C14orf93: variants seen among roughly 807,000 people sequenced by gnomAD.
The protein encoded by C14orf93 is chromosome 14 open reading frame 93, also known as uncharacterized protein C14orf93.
A neutral mutation model predicts 44.0 loss-of-function variants in C14orf93; 23 were observed. The ratio of observed to expected loss-of-function variants is 0.52; its 90% CI spans 0.38 to 0.74. The LOEUF (loss-of-function observed/expected upper bound fraction) is 0.74. Ranked by LOEUF, C14orf93 falls within the 30% of genes least tolerant of loss-of-function variation. The pLI, the probability that C14orf93 is intolerant of heterozygous loss-of-function variation, is 0.00. For synonymous variants in C14orf93, 253 were observed against 265.7 expected (o/e 0.95, Z 0.46); for missense variants, 579 against 678.9 (o/e 0.85, Z 1.64).
At chr14:23,004,474 T>C (rs1459348613) in intron 1 of C14orf93, among the ~76,000 whole-genome samples, 1 of 152,088 alleles carries the variant, frequency 6.6e-6, no homozygotes, top group African/African-American at 2.4e-5. Context: ...GTTTTTTATA[T>C]GTAAGTCCAT....
chr14:23,005,902 T>C (rs955188868), intron 1 of C14orf93: 1 of 152,234 alleles, frequency 6.6e-6, no homozygotes, highest in Non-Finnish European at 1.5e-5. Context: ...TATCATACTC[T>C]TGGCAGTTCC....
At chr14:22,997,012 G>C (rs921900749) in intron 2 of C14orf93, among the ~76,000 whole-genome samples, 1 of 149,834 alleles carries the variant, frequency 6.7e-6, no homozygotes, top group African/African-American at 2.5e-5. Context: ...CACACACACA[G>C]AAAGATGCGG....
Position 22,998,681 on chromosome 14 carries a change from G to T in C14orf93, c.343C>A (p.Arg115=). ...TCCTCAGGTGGGGAACTATGTGCCC[G>T]GCTTTCCCCATCTTCATCAGGGATG... is the stretch of plus-strand genomic sequence containing the variant. The part of the protein sequence containing the change: ...VSIPDEDGES[R]AHSSPPEEPG... Residue 115 remains arginine (R), a synonymous_variant, in exon 2 of 7, where the codon CGG becomes AGG. Coordinates refer to ENST00000299088, the MANE Select transcript of C14orf93 (RefSeq NM_021944.4). The T allele has an allele frequency of 1.2e-6, 2 of 1,614,184 alleles. No homozygotes were observed. The highest frequency in any genetic ancestry group is 1.7e-6 in the Non-Finnish European group (2 of 1,180,010).
chr14:22,987,370 G>A lies in C14orf93; in HGVS notation c.1462C>T (p.Leu488Phe). Residue 488 changes from leucine to phenylalanine, a missense_variant, in exon 7 of 7, where the codon CTT becomes TTT. Coordinates refer to ENST00000299088, the MANE Select transcript of C14orf93 (RefSeq NM_021944.4). The surrounding 1 kb of genome is among the most constrained non-coding windows in gnomAD (Gnocchi z 5.6). The stretch of plus-strand genomic sequence containing the variant: ...TTAGGATTGTAAAGTTCTGGTGGAA[G>A]GAGCTGGGCTTCAGCAGAAGGCAGT... ...DRLPSAEAQL[L>F]PPELYNPNFQ... 1.9e-6 allele frequency: 3 copies of A among 1,614,260 alleles called. No homozygotes were observed. Among genetic ancestry groups the A allele is most frequent in the Non-Finnish European group, 2.5e-6 (3 of 1,180,048 alleles).
chr14:23,008,111 C>T (rs936721289), intron 1 of C14orf93, among the ~76,000 whole-genome samples: 3 of 148,054 alleles, frequency 2.0e-5, no homozygotes, highest in Non-Finnish European at 3.0e-5. Flanking sequence ...CAAGATCGCA[C>T]CATTGCCACT....
At chr14:22,992,403 T>G (rs1342222653) in intron 3 of C14orf93, among the ~76,000 whole-genome samples, 5 of 148,726 alleles carry the variant, frequency 3.4e-5, no homozygotes, top group Non-Finnish European at 7.4e-5. Flanking sequence ...GAGGCGGAGG[T>G]TGCAGTGAGC....
At chr14:22,998,400 G>A (rs1297622925) in intron 2 of C14orf93, 27 bp downstream of exon 2, 1 of 1,489,744 alleles carries the variant, frequency 6.7e-7, no homozygotes. Flanking sequence ...GCACCTAGGA[G>A]GAATAGCCCT....
chr14:22,996,008 T>A lies in C14orf93; in HGVS notation c.858A>T (p.Pro286=). 1 of 1,613,072 alleles carries A rather than the reference T, an allele frequency of 6.2e-7. No individual in the cohort carries two copies. The highest frequency in any genetic ancestry group is 8.5e-7 in the Non-Finnish European group (1 of 1,179,220). The part of the protein sequence containing the change: ...LRHSLGLTVS[P]CRTRGSGQKN... ...TCTGCCCACTTCCTCTGGTCCTGCATGGGGAAACGGTCAGCCCTAGAGAGT... is the reference window on the plus strand; with the variant it reads ...TCTGCCCACTTCCTCTGGTCCTGCAAGGGGAAACGGTCAGCCCTAGAGAGT... Residue 286 remains proline, a synonymous_variant, in exon 3 of 7, where the codon CCA becomes CCT. Transcript: ENST00000299088. This position sits in a 1 kb window ranked among gnomAD's most constrained non-coding sequence, Gnocchi z 4.1.
Position 22,987,727 on chromosome 14 carries a change from C to A in C14orf93, c.1198-93G>T. 1 of 1,400,416 alleles carries A rather than the reference C, an allele frequency of 7.1e-7. No homozygotes were observed. 86.7% of individuals were successfully genotyped at this position (1,400,416 alleles called of 1,614,324 possible). ...TTTGGTGGGGAAGGCTGTGTAAAAT[C>A]TGTGCCTAAGTGAACCCAGTCCCCA... is the stretch of plus-strand genomic sequence containing the variant. On this transcript the variant is annotated intron_variant, in intron 6 of 6. Coordinates refer to ENST00000299088, the MANE Select transcript of C14orf93 (RefSeq NM_021944.4). This position sits in a 1 kb window ranked among gnomAD's most constrained non-coding sequence, Gnocchi z 5.6.
At position 22,989,749 on chromosome 14, in the gene C14orf93, C is replaced by G. The variant is rs1364523399; in HGVS notation, c.1077G>C (p.Glu359Asp). 2 of 1,611,746 alleles carry G rather than the reference C, an allele frequency of 1.2e-6. No homozygotes were observed. Residue 359 changes from glutamate to aspartate, a missense_variant, in exon 5 of 7, where the codon GAG becomes GAC. Physicochemically the swap from Glu to Asp is conservative, Grantham distance 45. Coordinates refer to ENST00000299088, the MANE Select transcript of C14orf93 (RefSeq NM_021944.4). ...VTSPHNYTDK[E>D]LKGACVAYFL... is the part of the protein sequence containing the mutation. ...TAAACCAGTTTTTCTCACCTTTTAG[C>G]TCCTTATCAGTGTAATTGTGGGGAC...
rs2045482752 is a variant in C14orf93, at chr14:22,989,833, A to G, written c.993T>C (p.Ser331=). ...RFNGSESIKS[S]WNISVVKFLL... ...GAAACTTCACTACTGAAATATTCCA[A>G]GAGGACTTGATGCTGCCACAAAGAG... The change falls in exon 5 of 7, where the codon TCT becomes TCC. Residue 331 remains serine (S), a synonymous_variant. Transcript: ENST00000299088. The G allele has an allele frequency of 6.2e-7, 1 of 1,613,838 alleles. No individual in the cohort carries two copies. The highest frequency in any genetic ancestry group is 1.3e-5 in the African/African-American group (1 of 74,928).
At chr14:22,991,508 G>A (rs2045627682) in intron 3 of C14orf93, among the ~76,000 whole-genome samples, 1 of 151,200 alleles carries the variant, frequency 6.6e-6, no homozygotes. Flanking sequence ...CTCCCAAAGT[G>A]TGCTGGGATT....
At chr14:22,991,990 A>G (rs1457967894) in intron 3 of C14orf93, among the ~76,000 whole-genome samples, 1 of 152,220 alleles carries the variant, frequency 6.6e-6, no homozygotes, top group Non-Finnish European at 1.5e-5. Context: ...CATGGTCTGA[A>G]AAACAGAAAT....
intron 1 of C14orf93, among the ~76,000 whole-genome samples, chr14:23,008,148 C>A (rs190250883): frequency 2.3e-5 from 3 of 132,036 alleles, no homozygotes; most frequent in African/African-American, 6.5e-5. Context: ...GAGCGAAACT[C>A]CGTTTCAAAA....
At position 22,996,256 on chromosome 14, in the gene C14orf93, A is replaced by G; in HGVS notation, c.610T>C (p.Tyr204His). ...TGTACTGCACCCTCAGAGGCCACGT[A>G]ATCATCCACCAGCTAAGAACATAAA... ...APLLNPLVDD[Y>H]VASEGAVQRV... Residue 204 changes from tyrosine (Y) to histidine (H), a missense_variant, in exon 3 of 7, where the codon TAC (tyrosine) becomes CAC (histidine). Coordinates refer to ENST00000299088, the MANE Select transcript of C14orf93 (RefSeq NM_021944.4). This position sits in a 1 kb window ranked among gnomAD's most constrained non-coding sequence, Gnocchi z 4.1. 1 of 1,554,430 alleles carries G rather than the reference A, an allele frequency of 6.4e-7. No individual in the cohort carries two copies. The highest frequency in any genetic ancestry group is 1.2e-5 in the South Asian group (1 of 83,740).
chr14:22,994,651 T>C (rs2045862173), intron 3 of C14orf93, among the ~76,000 whole-genome samples: 1 of 148,704 alleles, frequency 6.7e-6, no homozygotes, highest in Non-Finnish European at 1.5e-5. Flanking sequence ...CACTTGAGCC[T>C]GGGAAGTCGA....
At chr14:23,002,537 G>A (rs1020248470) in intron 1 of C14orf93, among the ~76,000 whole-genome samples, 1 of 151,400 alleles carries the variant, frequency 6.6e-6, no homozygotes, top group African/African-American at 2.4e-5. Flanking sequence ...TCACTTTTCT[G>A]AGACCAAGTT....
At chr14:22,989,088 C>T (rs1429108058) in intron 5 of C14orf93, among the ~76,000 whole-genome samples, 1 of 152,106 alleles carries the variant, frequency 6.6e-6, no homozygotes, top group Non-Finnish European at 1.5e-5. Flanking sequence ...TCAAGCAATC[C>T]TCCCACCTCA....
intron 3 of C14orf93, among the ~76,000 whole-genome samples, chr14:22,995,679 CAAAAAAA>C (rs58710730): frequency 3.1e-4 from 14 of 45,048 alleles, no homozygotes; most frequent in African/African-American, 9.6e-4. Context: ...GACTCTGACT[CAAAAAAA>C]AAAAAAAAAA....
Sources: gnomAD v4.1 joint callset for allele counts (sites outside exome capture counted in the v4.1 genomes callset) on GRCh38, gnomAD v4.1.1 for gene constraint, Gnocchi (gnomAD v3.1) non-coding constraint, MANE v1.5 for transcripts, NCBI Gene and HGNC (gene_info 2026-07-23, HGNC 2026-07-21) for gene names.